Variants in SCGB1A1 observed in about 807,000 individuals in gnomAD.
SCGB1A1 encodes uteroglobin.
In SCGB1A1, 8 loss-of-function variants were observed where a neutral mutation model predicts 7.5. The observed-to-expected ratio is 1.07, with a 90% CI of 0.63 to 1.92. SCGB1A1 has a LOEUF of 1.92. Among genes scored for constraint, SCGB1A1 ranks in the 30% most tolerant of loss-of-function variants. The pLI, the probability that SCGB1A1 is intolerant of heterozygous loss-of-function variation, is 0.00. For synonymous variants in SCGB1A1, 44 were observed against 40.8 expected (o/e 1.08, Z -0.30); for missense variants, 121 against 112.7 (o/e 1.07, Z -0.33).
chr11:62,419,249 T>C, intron 1 of SCGB1A1, 99 bp downstream of exon 1: 1 of 984,078 alleles, frequency 1.0e-6, no homozygotes, highest in Non-Finnish European at 1.4e-6. Context: ...ATTCCTGCTC[T>C]GGAGCTGCTG....
At position 62,422,213 on chromosome 11, in the gene SCGB1A1, T is replaced by A; in HGVS notation, c.56-8T>A. 2 of 1,603,250 alleles carry A rather than the reference T, an allele frequency of 1.2e-6. No individual in the cohort carries two copies. On this transcript the variant is annotated splice_polypyrimidine_tract_variant and splice_region_variant and intron_variant, in intron 1 of 2. Coordinates refer to ENST00000278282, the MANE Select transcript of SCGB1A1 (RefSeq NM_003357.5). ...GGAGACATGTGCCTTCTCTCCTCTG[T>A]GTTGCAGCTTCTGCAGAGATCTGCC...
chr11:62,420,566 C>T (rs1371428715), intron 1 of SCGB1A1, among the ~76,000 whole-genome samples: 1 of 150,942 alleles, frequency 6.6e-6, no homozygotes, highest in African/African-American at 2.4e-5. Flanking sequence ...CCCACCTAGG[C>T]CTCCCAAAGT....
At chr11:62,420,232 T>C (rs1473203741) in intron 1 of SCGB1A1, among the ~76,000 whole-genome samples, 1 of 152,052 alleles carries the variant, frequency 6.6e-6, no homozygotes, top group African/African-American at 2.4e-5. Context: ...TCTATTTGTG[T>C]GCACATGCAT....
At chr11:62,420,234 C>T (rs1937748068) in intron 1 of SCGB1A1, among the ~76,000 whole-genome samples, 1 of 151,850 alleles carries the variant, frequency 6.6e-6, no homozygotes. Flanking sequence ...TATTTGTGTG[C>T]ACATGCATAC....
At chr11:62,419,240 T>C in intron 1 of SCGB1A1, 90 bp downstream of exon 1, 2 of 1,066,514 alleles carry the variant, frequency 1.9e-6, no homozygotes, top group Non-Finnish European at 2.5e-6. Context: ...GAGCTGCCCA[T>C]TCCTGCTCTG....
intron 1 of SCGB1A1, among the ~76,000 whole-genome samples, chr11:62,419,368 C>G (rs1023386733): frequency 2.0e-5 from 3 of 152,232 alleles, no homozygotes; most frequent in Non-Finnish European, 4.4e-5. Flanking sequence ...AGGGTCCCAT[C>G]TTCTATATCC....
chr11:62,419,495 G>A (rs1487978879), intron 1 of SCGB1A1, among the ~76,000 whole-genome samples: 1 of 152,184 alleles, frequency 6.6e-6, no homozygotes, highest in Admixed American at 6.5e-5. Context: ...GATCTGGACA[G>A]ACTCCAAGAT....
intron 1 of SCGB1A1, among the ~76,000 whole-genome samples, chr11:62,421,491 TCTTGCTTGCTTG>T (rs10676203): frequency 6.7e-5 from 10 of 148,736 alleles, no homozygotes; most frequent in Non-Finnish European, 8.9e-5. Context: ...TTTTCTTTTC[TCTTGCTTGCTTG>T]CTTGCTTGCT....
intron 2 of SCGB1A1, 147 bp from the exon 3 acceptor site, chr11:62,422,912 C>T (rs2134748508): frequency 1.4e-6 from 1 of 739,976 alleles, no homozygotes; most frequent in African/African-American, 1.7e-5. Flanking sequence ...GAGAAACAAT[C>T]CAAGCCCTTA....
intron 1 of SCGB1A1, 138 bp from the exon 2 acceptor site, chr11:62,422,083 C>A: frequency 1.7e-6 from 1 of 599,558 alleles, no homozygotes; most frequent in Non-Finnish European, 2.8e-6. Context: ...ACAAATCTTA[C>A]ACTCTAGTCC....
intron 1 of SCGB1A1, chr11:62,421,940 CA>C: frequency 4.2e-6 from 1 of 236,804 alleles, no homozygotes; most frequent in Non-Finnish European, 8.1e-6. Flanking sequence ...GGCCTCTTCC[CA>C]GCCTCCACAC....
chr11:62,421,286 C>T (rs1937783022), intron 1 of SCGB1A1, among the ~76,000 whole-genome samples: 1 of 152,050 alleles, frequency 6.6e-6, no homozygotes, highest in South Asian at 2.1e-4. Context: ...GTTGTAAGGA[C>T]CTGAGAAGAA....
At chr11:62,420,314 CTTTT>C (rs535582329) in intron 1 of SCGB1A1, among the ~76,000 whole-genome samples, 5 of 129,476 alleles carry the variant, frequency 3.9e-5, no homozygotes, top group African/African-American at 8.9e-5. Context: ...TCTTTTCATT[CTTTT>C]TTTTTTTTTT....
intron 1 of SCGB1A1, 147 bp from the exon 2 acceptor site, chr11:62,422,074 C>G (rs1937808583): frequency 5.3e-6 from 3 of 567,980 alleles, no homozygotes; most frequent in Non-Finnish European, 8.9e-6. Flanking sequence ...GGGCAATCCA[C>G]AAATCTTACA....
intron 1 of SCGB1A1, among the ~76,000 whole-genome samples, chr11:62,420,528 G>A (rs1161208946): frequency 2.7e-5 from 4 of 150,816 alleles, no homozygotes; most frequent in Admixed American, 2.6e-4. Flanking sequence ...TGGCCAGGAT[G>A]GTCTCCATCT....
At chr11:62,420,815 G>C (rs1937769794) in intron 1 of SCGB1A1, among the ~76,000 whole-genome samples, 1 of 151,228 alleles carries the variant, frequency 6.6e-6, no homozygotes, top group African/African-American at 2.4e-5. Context: ...CATGCCTGTA[G>C]TCCCAGCTAC....
In SCGB1A1 at chr11:62,423,108, A is replaced by G; in HGVS notation, c.*17A>G. 6.2e-7 allele frequency: 1 copy of G among 1,613,500 alleles called. No individual in the cohort carries two copies. The highest frequency in any genetic ancestry group is 8.5e-7 in the Non-Finnish European group (1 of 1,179,524). Reference sequence around the variant, plus strand: ...TGTAATTAGCATTTAGAAGCTGAAGATCCCCAACTGCTCCAGCCTCTGCCG... The same window carrying G: ...TGTAATTAGCATTTAGAAGCTGAAGGTCCCCAACTGCTCCAGCCTCTGCCG... On this transcript the variant is annotated 3_prime_UTR_variant, in exon 3 of 3. Transcript: ENST00000278282.
rs1340008900 is a variant in SCGB1A1 at position 62,423,151 on chromosome 11, C to T, written c.*60C>T. The T allele has an allele frequency of 7.2e-6, 11 of 1,530,558 alleles. No homozygotes were observed. Among genetic ancestry groups the T allele is most frequent in the Non-Finnish European group, 1.0e-5 (11 of 1,104,416 alleles). 94.8% of individuals were successfully genotyped at this position (1,530,558 alleles called of 1,614,324 possible). On this transcript the variant is annotated 3_prime_UTR_variant, in exon 3 of 3. Coordinates refer to ENST00000278282, the MANE Select transcript of SCGB1A1 (RefSeq NM_003357.5). ...CTCTGCCGCTGCCATGCTTTGAGTCCACGCCCACCAGCCTTGCTCTCTTCA... is the reference window on the plus strand; with the variant it reads ...CTCTGCCGCTGCCATGCTTTGAGTCTACGCCCACCAGCCTTGCTCTCTTCA...
chr11:62,422,984 C>G, intron 2 of SCGB1A1, 75 bp from the exon 3 acceptor site: 1 of 1,386,228 alleles, frequency 7.2e-7, no homozygotes. Flanking sequence ...TTCTGTGGCT[C>G]GTCATCTCTG....
Sources: gnomAD v4.1 joint callset for allele counts (sites outside exome capture counted in the v4.1 genomes callset) on GRCh38, gnomAD v4.1.1 for gene constraint, MANE v1.5 for transcripts, NCBI Gene and HGNC (gene_info 2026-07-23, HGNC 2026-07-21) for gene names.